Variants in MYLK observed in about 807,000 individuals in gnomAD.
MYLK encodes the protein myosin light chain kinase, smooth muscle.
MYLK carries 106 observed loss-of-function variants against 203.4 expected under a neutral mutation model. The ratio of observed to expected loss-of-function variants is 0.52; its 90% CI spans 0.45 to 0.61. MYLK has a LOEUF of 0.61. MYLK is among the 20% of genes least tolerant of loss of function. The pLI, the probability that MYLK is intolerant of heterozygous loss-of-function variation, is 0.00. For synonymous variants in MYLK, 867 were observed against 959.5 expected (o/e 0.90, Z 1.78); for missense variants, 2,072 against 2,442.3 (o/e 0.85, Z 3.20).
In MYLK at chr3:123,760,848, C is replaced by T. The variant is rs561816356; in HGVS notation, c.166-8310G>A. On this transcript the variant is annotated intron_variant, in intron 4 of 33. Coordinates refer to ENST00000360304, the MANE Select transcript of MYLK (RefSeq NM_053025.4). ...CCGAAACCCAATTTGAAAAGTGATC[C>T]TTGTTTTTATGTATTATTAAAAAAC... Among the ~76,000 whole-genome samples the T allele has an allele frequency of 6.6e-5, 10 of 152,246 alleles. No individual in the cohort carries two copies. The South Asian group carries it at 1.9e-3, about 28-fold the overall frequency.
chr3:123,764,352 C>G (rs1292112848), intron 4 of MYLK, among the ~76,000 whole-genome samples: 1 of 152,050 alleles, frequency 6.6e-6, no homozygotes, highest in Non-Finnish European at 1.5e-5. Context: ...TGTGTCAGAC[C>G]TCATGGTAGA....
intron 16 of MYLK, among the ~76,000 whole-genome samples, chr3:123,707,517 T>C (rs2061507303): frequency 6.6e-6 from 1 of 152,184 alleles, no homozygotes; most frequent in Admixed American, 6.5e-5. Context: ...GGAACAAGGA[T>C]GTAACAAGAC....
intron 3 of MYLK, among the ~76,000 whole-genome samples, chr3:123,802,360 G>T (rs1215828928): frequency 1.3e-5 from 2 of 152,236 alleles, no homozygotes; most frequent in Non-Finnish European, 2.9e-5. Flanking sequence ...TGAGCCACCA[G>T]GCAGCCTCTC....
intron 5 of MYLK, among the ~76,000 whole-genome samples, chr3:123,742,980 G>A (rs2108835100): frequency 6.6e-6 from 1 of 152,222 alleles, no homozygotes; most frequent in East Asian, 1.9e-4. Context: ...AGGGGATGGG[G>A]AATTAATGCT....
At chr3:123,715,156 C>T (rs1271551147) in intron 13 of MYLK, among the ~76,000 whole-genome samples, 1 of 152,214 alleles carries the variant, frequency 6.6e-6, no homozygotes, top group Admixed American at 6.5e-5. Context: ...TTTTGACTCA[C>T]TAGAAGTTGT....
At chr3:123,804,607 C>T (rs998595070) in intron 3 of MYLK, among the ~76,000 whole-genome samples, 1 of 152,172 alleles carries the variant, frequency 6.6e-6, no homozygotes, top group Non-Finnish European at 1.5e-5. Flanking sequence ...TGCCTCTCTG[C>T]TTTCTGCAGG....
chr3:123,679,251 G>T lies in MYLK; in HGVS notation c.3652+2973C>A, dbSNP rs192765226. ...GAAACCAGGAGGCGGAGGTTGTAGTGAGCGGAGATCGCGCCACTGCACTCC... is the reference window on the plus strand; with the variant it reads ...GAAACCAGGAGGCGGAGGTTGTAGTTAGCGGAGATCGCGCCACTGCACTCC... On this transcript the variant is annotated intron_variant, in intron 20 of 33. Transcript: ENST00000360304. Among the ~76,000 whole-genome samples the T allele has an allele frequency of 2.3e-3, 353 of 150,994 alleles. 2 individuals carry two copies. The highest frequency in any genetic ancestry group is 8.4e-3 in the African/African-American group (345 of 41,096).
Position 123,734,018 on chromosome 3 carries a change from C to G in MYLK, c.978G>C (p.Lys326Asn). The G allele has an allele frequency of 6.2e-7, 1 of 1,614,232 alleles. No individual in the cohort carries two copies. Among genetic ancestry groups the G allele is most frequent in the Non-Finnish European group, 8.5e-7 (1 of 1,180,048 alleles). ...PPRESKLESC[K>N]DSPRTAPQTP... ...TCTGCGGGGCCGTTCTGGGCGAGTC[C>G]TTGCATGACTCCAGCTTGGACTCCC... is the stretch of plus-strand genomic sequence containing the variant. Residue 326 changes from lysine to asparagine, a missense_variant, in exon 10 of 34, where the codon AAG (lysine) becomes AAC (asparagine). By Grantham distance (94) the Lys-to-Asn change is moderately conservative. Transcript: ENST00000360304.
chr3:123,663,635 G>A (rs1414830594), intron 23 of MYLK, among the ~76,000 whole-genome samples: 1 of 152,104 alleles, frequency 6.6e-6, no homozygotes, highest in Non-Finnish European at 1.5e-5. Flanking sequence ...AGCCCCCAAG[G>A]ACCTGGGGTC....
chr3:123,746,988 T>C (rs1224290981), intron 5 of MYLK, among the ~76,000 whole-genome samples: 2 of 152,132 alleles, frequency 1.3e-5, no homozygotes, highest in African/African-American at 2.4e-5. Flanking sequence ...AGAAGAACCA[T>C]GACAAACATC....
intron 3 of MYLK, among the ~76,000 whole-genome samples, chr3:123,829,427 T>C (rs1363254814): frequency 3.3e-5 from 5 of 152,072 alleles, no homozygotes; most frequent in African/African-American, 4.8e-5. Context: ...GAACAGAGCA[T>C]ACTAGAGGCT....
At chr3:123,783,869 G>C (rs1482379960) in intron 4 of MYLK, among the ~76,000 whole-genome samples, 1 of 152,148 alleles carries the variant, frequency 6.6e-6, no homozygotes, top group Non-Finnish European at 1.5e-5. Flanking sequence ...CAGGAGTGAT[G>C]AGAAATTTCT....
intron 26 of MYLK, 77 bp from the exon 27 acceptor site, chr3:123,647,504 C>T: frequency 1.6e-6 from 2 of 1,272,966 alleles, no homozygotes; most frequent in Non-Finnish European, 2.3e-6. Flanking sequence ...CAAATTATGG[C>T]CCATGGGACA....
intron 4 of MYLK, 75 bp downstream of exon 4, chr3:123,793,602 G>A: frequency 6.4e-7 from 1 of 1,561,484 alleles, no homozygotes; most frequent in Admixed American, 1.7e-5. Context: ...AGCCGGCCCA[G>A]GAAAAGGCTT....
At chr3:123,775,093 AGCTCACTGCAGCCTT>A (rs1212890683) in intron 4 of MYLK, among the ~76,000 whole-genome samples, 2 of 151,972 alleles carry the variant, frequency 1.3e-5, no homozygotes, top group Non-Finnish European at 2.9e-5. Flanking sequence ...GTGTAATCAT[AGCTCACTGCAGCCTT>A]GAACTCCCGG....
rs2058310902 is a variant in MYLK, at chr3:123,629,344, T to C, written c.5114+130A>G. 1 of 1,157,246 alleles carries C rather than the reference T, an allele frequency of 8.6e-7. No individual in the cohort carries two copies. The highest frequency in any genetic ancestry group is 1.5e-5 in the African/African-American group (1 of 65,882). The allele number at this position is 1,157,246 out of a possible 1,614,324, so 71.7% of individuals were successfully genotyped here. A position where few individuals can be genotyped will look rare whatever the true frequency, so the allele number is the denominator to read the frequency against. ...TCTTACCATGCCCACCCTCCCTTCC[T>C]CAGGGAATGCTAGGAACGACCCAAG... On this transcript the variant is annotated intron_variant, in intron 30 of 33. Coordinates refer to ENST00000360304, the MANE Select transcript of MYLK (RefSeq NM_053025.4). The surrounding 1 kb of genome is among the most constrained non-coding windows in gnomAD (Gnocchi z 4.4).
At chr3:123,682,364 AG>A in intron 19 of MYLK, 54 bp from the exon 20 acceptor site, 2 of 1,383,666 alleles carry the variant, frequency 1.4e-6, no homozygotes, top group South Asian at 2.5e-5. Context: ...AAATGAGCAA[AG>A]GGGGTCTCTC....
chr3:123,796,179 TA>T (rs1215559061), intron 3 of MYLK, among the ~76,000 whole-genome samples: 1 of 152,170 alleles, frequency 6.6e-6, no homozygotes, highest in East Asian at 1.9e-4. Flanking sequence ...AAGCCCTTTA[TA>T]AATAATAAAT....
Position 123,725,768 on chromosome 3 carries a change from T to C in MYLK, c.1651+176A>G, listed in dbSNP as rs185101375. 9.8e-5 allele frequency among the ~76,000 whole-genome samples: 15 copies of C among 152,370 alleles called. No homozygotes were observed. The East Asian group carries it at 2.9e-3, about 29-fold the overall frequency. ...CAAGGCTCAGACAGGAGTAGTAACT[T>C]GCTCAGCCAGTCGGGAGCAGGATCC... On this transcript the variant is annotated intron_variant, in intron 12 of 33. Coordinates refer to ENST00000360304, the MANE Select transcript of MYLK (RefSeq NM_053025.4).
Sources: gnomAD v4.1 joint callset for allele counts (sites outside exome capture counted in the v4.1 genomes callset) on GRCh38, gnomAD v4.1.1 for gene constraint, Gnocchi (gnomAD v3.1) non-coding constraint, MANE v1.5 for transcripts, NCBI Gene and HGNC (gene_info 2026-07-23, HGNC 2026-07-21) for gene names.